Variants in DNAJC15 observed in about 807,000 individuals in gnomAD.
The protein encoded by DNAJC15 is DnaJ heat shock protein family (Hsp40) member C15.
Under a neutral mutation model 22.4 loss-of-function variants are expected in DNAJC15, and 27 were observed. That is an observed-to-expected ratio of 1.20 (90% CI 0.89 to 1.66). The LOEUF (loss-of-function observed/expected upper bound fraction) is 1.66, where lower values mean the gene tolerates loss of function less well. Among genes scored for constraint, DNAJC15 ranks in the 40% most tolerant of loss-of-function variants. The probability of loss-of-function intolerance (pLI) is 0.00; values close to 1 mark genes in which losing one functional copy is unlikely to be tolerated. For synonymous variants in DNAJC15, 79 were observed against 63.2 expected (o/e 1.25, Z -1.19); for missense variants, 208 against 187.1 (o/e 1.11, Z -0.65).
In DNAJC15 at chr13:43,108,859, T is replaced by A. The variant is rs1358503816; in HGVS notation, c.*1611T>A. The stretch of plus-strand genomic sequence containing the variant: ...TATAAAATAATGATCCTGAATTAAA[T>A]TGATGGAACCTTGAAGTCGATAAAA... On this transcript the variant is annotated 3_prime_UTR_variant, in exon 6 of 6. Coordinates refer to ENST00000379221, the MANE Select transcript of DNAJC15 (RefSeq NM_013238.3). 6.6e-6 allele frequency: 1 copy of A among 152,192 alleles called. No homozygotes were observed. Among genetic ancestry groups the A allele is most frequent in the Non-Finnish European group, 1.5e-5 (1 of 68,014 alleles). 9.4% of individuals were successfully genotyped at this position (152,192 alleles called of 1,614,324 possible).
At chr13:43,095,131 T>A (rs1425528210) in intron 5 of DNAJC15, among the ~76,000 whole-genome samples, 1 of 152,178 alleles carries the variant, frequency 6.6e-6, no homozygotes, top group African/African-American at 2.4e-5. Flanking sequence ...TGAGACAGTA[T>A]GACAAATTAA....
intron 5 of DNAJC15, among the ~76,000 whole-genome samples, chr13:43,105,912 A>G (rs897295833): frequency 9.8e-5 from 15 of 152,326 alleles, no homozygotes; most frequent in Admixed American, 6.5e-4. Flanking sequence ...TAACTCTTAT[A>G]GCATATTCAG....
rs1044893070 is a variant in DNAJC15, at chr13:43,107,643, AT to A, written c.*404del. On this transcript the variant is annotated 3_prime_UTR_variant, in exon 6 of 6. Transcript: ENST00000379221. ...GTTTATATTTGTACCCTCATTGTCA[AT>A]TTTTTTTTAGGGAATTTGGGACTCT... 1.4e-4 allele frequency: 21 copies of A among 152,352 alleles called. No homozygotes were observed. The highest frequency in any genetic ancestry group is 5.7e-4 in the East Asian group (3 of 5,238). 9.4% of individuals were successfully genotyped at this position (152,352 alleles called of 1,614,324 possible).
chr13:43,058,623 C>T (rs1336379832), intron 1 of DNAJC15, among the ~76,000 whole-genome samples: 1 of 152,134 alleles, frequency 6.6e-6, no homozygotes, highest in East Asian at 1.9e-4. Context: ...CCTGTTTGAA[C>T]CTCTCCCACC....
rs368386623 is a variant in DNAJC15, at chr13:43,100,205, CTTTT to C, written c.383-6956_383-6953del. ...AGGTTGAAGGTTAAGTTATTGAAGT[CTTTT>C]TTTTTTTTTTTTTTTTGAAACAGGG... On this transcript the variant is annotated intron_variant, in intron 5 of 5. Coordinates refer to ENST00000379221, the MANE Select transcript of DNAJC15 (RefSeq NM_013238.3). Among the ~76,000 whole-genome samples the C allele has an allele frequency of 3.6e-5, 4 of 110,506 alleles. No individual in the cohort carries two copies. The East Asian group carries it at 8.2e-4, about 23-fold the overall frequency. 72.5% of individuals were successfully genotyped at this position (110,506 alleles called of 152,430 possible).
Position 43,026,349 on chromosome 13 carries a change from C to T in DNAJC15, c.108+2615C>T, listed in dbSNP as rs1221482161. The stretch of plus-strand genomic sequence containing the variant: ...TGCAAACAGTTTTTTGTTACACAGG[C>T]TTGTCTCATATATTTTAGGACTTCT... On this transcript the variant is annotated intron_variant, in intron 1 of 5. Transcript: ENST00000379221. Among the ~76,000 whole-genome samples the T allele has an allele frequency of 8.5e-5, 13 of 152,180 alleles. 1 individual carries two copies. The highest frequency in any genetic ancestry group is 8.5e-4 in the Admixed American group (13 of 15,278).
chr13:43,058,784 T>C (rs956757890), intron 1 of DNAJC15, among the ~76,000 whole-genome samples: 6 of 152,192 alleles, frequency 3.9e-5, no homozygotes, highest in Non-Finnish European at 7.3e-5. Flanking sequence ...ATGGCTTCCC[T>C]GGGGACCAGG....
intron 3 of DNAJC15, among the ~76,000 whole-genome samples, chr13:43,072,397 G>A (rs994625919): frequency 6.6e-6 from 1 of 151,930 alleles, no homozygotes; most frequent in African/African-American, 2.4e-5. Flanking sequence ...GAAAGATGTT[G>A]GACCTGATAA....
intron 1 of DNAJC15, among the ~76,000 whole-genome samples, chr13:43,048,142 A>G (rs909443255): frequency 2.0e-5 from 3 of 152,224 alleles, no homozygotes; most frequent in African/African-American, 4.8e-5. Flanking sequence ...AGTGAAAGCT[A>G]TGCTTTTTGT....
At chr13:43,096,163 A>G (rs918314550) in intron 5 of DNAJC15, among the ~76,000 whole-genome samples, 1 of 152,176 alleles carries the variant, frequency 6.6e-6, no homozygotes, top group Non-Finnish European at 1.5e-5. Flanking sequence ...TCAAAAGTCA[A>G]TTGTATAACT....
At chr13:43,057,871 T>TCTGGGTCTAGCCACCCAGCAGAGCTA (rs2040539439) in intron 1 of DNAJC15, among the ~76,000 whole-genome samples, 1 of 152,150 alleles carries the variant, frequency 6.6e-6, no homozygotes, top group South Asian at 2.1e-4. Flanking sequence ...TTACTGCTCT[T>TCTGGGTCTAGCCACCCAGCAGAGCTA]CTGGGTCTAG....
chr13:43,103,696 TTTCA>T (rs953809780), intron 5 of DNAJC15, among the ~76,000 whole-genome samples: 1 of 152,234 alleles, frequency 6.6e-6, no homozygotes, highest in African/African-American at 2.4e-5. Flanking sequence ...GTTCTTACTC[TTTCA>T]TTTTGTCTAC....
rs774780407 is a variant in DNAJC15, at chr13:43,068,923, T to G, written c.161-7T>G. Reference sequence around the variant, plus strand: ...ATACATTTGCTTTTATTCCCTTTACTATTTAGGTCGCTACGCATTTCGGAT... The same window carrying G: ...ATACATTTGCTTTTATTCCCTTTACGATTTAGGTCGCTACGCATTTCGGAT... On this transcript the variant is annotated splice_polypyrimidine_tract_variant and splice_region_variant and intron_variant, in intron 2 of 5. Coordinates refer to ENST00000379221, the MANE Select transcript of DNAJC15 (RefSeq NM_013238.3). 4 of 1,610,236 alleles carry G rather than the reference T, an allele frequency of 2.5e-6. No homozygotes were observed. The highest frequency in any genetic ancestry group is 2.5e-6 in the Non-Finnish European group (3 of 1,178,360).
chr13:43,029,836 G>A (rs1003850097), intron 1 of DNAJC15, among the ~76,000 whole-genome samples: 2 of 151,954 alleles, frequency 1.3e-5, no homozygotes, highest in African/African-American at 2.4e-5. Flanking sequence ...AAGAATACTC[G>A]TTCTCTCAGT....
At chr13:43,046,804 C>T (rs1423366263) in intron 1 of DNAJC15, among the ~76,000 whole-genome samples, 2 of 152,180 alleles carry the variant, frequency 1.3e-5, no homozygotes, top group East Asian at 3.9e-4. Context: ...TTGCTGCCGT[C>T]GCAGACCTGC....
intron 1 of DNAJC15, among the ~76,000 whole-genome samples, chr13:43,064,717 A>G (rs1198637761): frequency 1.3e-5 from 2 of 152,152 alleles, no homozygotes; most frequent in Non-Finnish European, 1.5e-5. Flanking sequence ...TCTGGAACCA[A>G]TGTCTTTTCA....
In DNAJC15 at chr13:43,055,505, G is replaced by A. The variant is rs533033494; in HGVS notation, c.109-10181G>A. Among the ~76,000 whole-genome samples, 74 of 152,178 alleles carry A rather than the reference G, an allele frequency of 4.9e-4. No homozygotes were observed. The Middle Eastern group carries it at 0.017, about 35-fold the overall frequency. On this transcript the variant is annotated intron_variant, in intron 1 of 5. Transcript: ENST00000379221. Reference sequence around the variant, plus strand: ...AAGTCTGTGTGTGTAGTGTGTGTTCGCGACCTCCGTCTCCTTGACTGTTCG... The same window carrying A: ...AAGTCTGTGTGTGTAGTGTGTGTTCACGACCTCCGTCTCCTTGACTGTTCG...
In DNAJC15 at chr13:43,085,958, AT is replaced by A. The variant is rs920285452; in HGVS notation, c.382+127del. ...AAGTTTGTGCGCCACATGTATTGTG[AT>A]TTTTTTCTCATAAATGAGCATTTAG... On this transcript the variant is annotated intron_variant, in intron 5 of 5. Transcript: ENST00000379221. 9.7e-6 allele frequency: 8 copies of A among 828,796 alleles called. No homozygotes were observed. The African/African-American group carries it at 1.2e-4, about 13-fold the overall frequency. 51.3% of individuals were successfully genotyped at this position (828,796 alleles called of 1,614,324 possible). A position where few individuals can be genotyped will look rare whatever the true frequency, so the allele number is the denominator to read the frequency against.
chr13:43,052,450 T>C (rs2040509851), intron 1 of DNAJC15, among the ~76,000 whole-genome samples: 1 of 150,958 alleles, frequency 6.6e-6, no homozygotes, highest in Non-Finnish European at 1.5e-5. Flanking sequence ...AGAGTCTCAC[T>C]CTTGTCACTC....
Sources: allele counts gnomAD v4.1 joint callset (sites outside exome capture counted in the v4.1 genomes callset), GRCh38; gene constraint gnomAD v4.1.1; transcripts MANE v1.5; gene names NCBI Gene and HGNC (gene_info 2026-07-23, HGNC 2026-07-21).